Variants in MS4A4E observed in about 807,000 individuals in gnomAD.
The protein encoded by MS4A4E is putative membrane-spanning 4-domains subfamily A member 4E.
MS4A4E carries 23 observed loss-of-function variants against 13.3 expected under a neutral mutation model. That is an observed-to-expected ratio of 1.73 (90% CI 1.25 to 2.45). The LOEUF is 2.45. Ranked by LOEUF, MS4A4E falls within the 30% of genes most tolerant of loss-of-function variation. The probability of loss-of-function intolerance (pLI) is 0.00; values close to 1 mark genes in which losing one functional copy is unlikely to be tolerated. For synonymous variants in MS4A4E, 36 were observed against 45.6 expected, an observed-to-expected ratio of 0.79 and a Z score of 0.85; for missense variants, 144 against 131.2, an observed-to-expected ratio of 1.10 and a Z score of -0.48.
chr11:60,201,509 G>A lies in MS4A4E; in HGVS notation c.*34C>T, dbSNP rs993321621. On this transcript the variant is annotated 3_prime_UTR_variant, in exon 9 of 9. Transcript: ENST00000651255. Reference sequence around the variant, plus strand: ...GGGCAGAGGTGCTCCTCACATCCCAGACAGGGCGGTGGGGCAAAGGCGCTC... The same window carrying A: ...GGGCAGAGGTGCTCCTCACATCCCAAACAGGGCGGTGGGGCAAAGGCGCTC... 4 of 269,594 alleles carry A rather than the reference G, an allele frequency of 1.5e-5. No homozygotes were observed. Among genetic ancestry groups the A allele is most frequent in the African/African-American group, 9.5e-5 (4 of 42,236 alleles). The allele number at this position is 269,594 out of a possible 1,614,324, so 16.7% of individuals were successfully genotyped here.
intron 1 of MS4A4E, among the ~76,000 whole-genome samples, chr11:60,236,114 C>T (rs2084479232): frequency 6.6e-6 from 1 of 152,094 alleles, no homozygotes; most frequent in East Asian, 1.9e-4. Flanking sequence ...CTATTCCATC[C>T]CATTTTTATT....
At chr11:60,211,824 A>T (rs1037028976) in intron 5 of MS4A4E, among the ~76,000 whole-genome samples, 3 of 152,170 alleles carry the variant, frequency 2.0e-5, no homozygotes, top group African/African-American at 7.2e-5. Context: ...GAGGCAGGAG[A>T]ATCACTTGAA....
At chr11:60,223,751 T>A (rs1200010767) in intron 3 of MS4A4E, among the ~76,000 whole-genome samples, 1 of 152,170 alleles carries the variant, frequency 6.6e-6, no homozygotes, top group Non-Finnish European at 1.5e-5. Context: ...TCGTGCTGCA[T>A]GTTTCCTACC....
At chr11:60,235,135 T>C (rs1590729505) in intron 1 of MS4A4E, among the ~76,000 whole-genome samples, 1 of 152,152 alleles carries the variant, frequency 6.6e-6, no homozygotes, top group African/African-American at 2.4e-5. Context: ...CCAGAAGTTT[T>C]TGAGACAGGG....
At chr11:60,211,264 C>CA (rs1413808389) in intron 5 of MS4A4E, among the ~76,000 whole-genome samples, 3 of 152,156 alleles carry the variant, frequency 2.0e-5, no homozygotes, top group African/African-American at 7.2e-5. Flanking sequence ...GTCAAATTCT[C>CA]AAAAGAAACT....
chr11:60,233,619 T>C (rs1005280040), intron 1 of MS4A4E, among the ~76,000 whole-genome samples: 1 of 152,214 alleles, frequency 6.6e-6, no homozygotes, highest in African/African-American at 2.4e-5. Context: ...CTGTAAACCT[T>C]GGTGGAATCC....
chr11:60,236,699 T>C (rs7951777), intron 1 of MS4A4E, among the ~76,000 whole-genome samples: 2,050 of 152,060 alleles, frequency 0.013, 49 homozygotes, highest in African/African-American at 0.046. Context: ...TATTGTGTCA[T>C]AGGGTTTGAT....
chr11:60,210,258 C>G (rs1351985654), intron 5 of MS4A4E, among the ~76,000 whole-genome samples: 1 of 152,208 alleles, frequency 6.6e-6, no homozygotes, highest in Admixed American at 6.5e-5. Context: ...GACCTGTGGA[C>G]TGATTGTGCA....
At chr11:60,226,734 G>A (rs895698003) in intron 3 of MS4A4E, among the ~76,000 whole-genome samples, 2 of 152,168 alleles carry the variant, frequency 1.3e-5, no homozygotes, top group East Asian at 1.9e-4. Flanking sequence ...GACCAAGGCA[G>A]GGATAAGCCT....
At position 60,241,054 on chromosome 11, in the gene MS4A4E, C is replaced by T. The variant is rs553069086; in HGVS notation, c.-17+1904G>A. On this transcript the variant is annotated intron_variant, in intron 1 of 8. Transcript: ENST00000651255. ...ATTTATTTATTTTGAGGCGGAGTCT[C>T]GCTCTGTTGCCCAGGCTGGCGTGCA... Among the ~76,000 whole-genome samples the T allele has an allele frequency of 3.2e-4, 49 of 152,242 alleles. No individual in the cohort carries two copies. The South Asian group carries it at 9.3e-3, about 29-fold the overall frequency.
intron 6 of MS4A4E, among the ~76,000 whole-genome samples, chr11:60,206,474 C>CATATAT (rs1306216297): frequency 2.4e-5 from 2 of 82,488 alleles, no homozygotes; most frequent in Admixed American, 1.2e-4. Context: ...CACACACACA[C>CATATAT]ATATATATAT....
At chr11:60,237,112 T>C (rs1405908800) in intron 1 of MS4A4E, among the ~76,000 whole-genome samples, 1 of 152,160 alleles carries the variant, frequency 6.6e-6, no homozygotes, top group East Asian at 1.9e-4. Flanking sequence ...CTCCACCCTC[T>C]AATAAGCCCC....
chr11:60,203,910 T>C (rs1323765453), intron 8 of MS4A4E, among the ~76,000 whole-genome samples: 1 of 152,198 alleles, frequency 6.6e-6, no homozygotes, highest in African/African-American at 2.4e-5. Context: ...TTGCATGATA[T>C]GAAATAAATG....
In MS4A4E at chr11:60,214,594, C is replaced by A; in HGVS notation, c.199G>T (p.Gly67Ter). 6.5e-7 allele frequency: 1 copy of A among 1,532,132 alleles called. No homozygotes were observed. The highest frequency in any genetic ancestry group is 2.4e-5 in the East Asian group (1 of 41,070). 94.9% of individuals were successfully genotyped at this position (1,532,132 alleles called of 1,614,324 possible). A position where few individuals can be genotyped will look rare whatever the true frequency, so the allele number is the denominator to read the frequency against. Residue 67 changes from glycine to a stop codon, truncating the protein, a stop_gained, in exon 4 of 9, where the codon GGA becomes TGA. Transcript: ENST00000651255. LOFTEE classifies it high-confidence loss of function. ...ACCAGACCTTTTGTTGTTCTAATTC[C>A]TGCTGCAACTGATAAGGATACTGAA... ...THSVSLSVAAGIRTTKGLVGG... is the reference protein window; with the variant it reads ...THSVSLSVAA
At chr11:60,227,679 C>A (rs994727523) in intron 3 of MS4A4E, among the ~76,000 whole-genome samples, 4 of 152,124 alleles carry the variant, frequency 2.6e-5, no homozygotes, top group Middle Eastern at 3.4e-3. Flanking sequence ...TTAGGAGTAA[C>A]ACTACCCATC....
intron 1 of MS4A4E, among the ~76,000 whole-genome samples, chr11:60,240,531 T>C (rs2084535785): frequency 1.3e-5 from 2 of 152,208 alleles, no homozygotes; most frequent in South Asian, 4.1e-4. Context: ...TCACCACCTT[T>C]AGTATAAAGA....
At chr11:60,227,720 A>T (rs924451101) in intron 3 of MS4A4E, among the ~76,000 whole-genome samples, 45 of 152,294 alleles carry the variant, frequency 3.0e-4, no homozygotes, top group Middle Eastern at 3.4e-3. Context: ...GATAGTAATC[A>T]GGACTGTGTG....
chr11:60,207,428 A>C (rs1182265976), intron 6 of MS4A4E, among the ~76,000 whole-genome samples: 1 of 152,142 alleles, frequency 6.6e-6, no homozygotes, highest in Non-Finnish European at 1.5e-5. Context: ...ATTGCTGAGA[A>C]TCTCTCACCT....
chr11:60,218,479 G>C (rs527987787), intron 3 of MS4A4E, among the ~76,000 whole-genome samples: 1 of 152,024 alleles, frequency 6.6e-6, no homozygotes, highest in Non-Finnish European at 1.5e-5. Flanking sequence ...GGAACCTATC[G>C]ACATGTGATG....
Sources: allele counts gnomAD v4.1 joint callset (sites outside exome capture counted in the v4.1 genomes callset), GRCh38; gene constraint gnomAD v4.1.1; transcripts MANE v1.5; gene names NCBI Gene and HGNC (gene_info 2026-07-23, HGNC 2026-07-21).